The following UEVLD variants were observed in gnomAD, a reference collection of about 807,000 sequenced individuals.
UEVLD encodes the protein ubiquitin-conjugating enzyme E2 variant 3.
In UEVLD, 47 loss-of-function variants were observed where a neutral mutation model predicts 58.6. The observed-to-expected ratio is 0.80, with a 90% CI of 0.63 to 1.02. The LOEUF (loss-of-function observed/expected upper bound fraction) is 1.02, where lower values mean the gene tolerates loss of function less well. Ranked by LOEUF, UEVLD falls within the 50% of genes least tolerant of loss-of-function variation. The pLI is 0.00. For missense variants in UEVLD, 510 were observed against 550.6 expected (o/e 0.93, Z 0.74); for synonymous variants, 197 against 195.3 (o/e 1.01, Z -0.07).
At chr11:18,546,485 T>G (rs10741745) in intron 8 of UEVLD, among the ~76,000 whole-genome samples, 3 of 148,636 alleles carry the variant, frequency 2.0e-5, no homozygotes, top group Non-Finnish European at 3.0e-5. Context: ...TTTTTTTGTT[T>G]TGTTTTTTAT....
intron 10 of UEVLD, among the ~76,000 whole-genome samples, chr11:18,535,032 G>A (rs1470373547): frequency 6.6e-6 from 1 of 152,168 alleles, no homozygotes; most frequent in Non-Finnish European, 1.5e-5. Context: ...GAATAAGGTA[G>A]ATTTACATGT....
chr11:18,541,355 T>C (rs1021418368), intron 9 of UEVLD, among the ~76,000 whole-genome samples: 1 of 152,222 alleles, frequency 6.6e-6, no homozygotes, highest in African/African-American at 2.4e-5. Flanking sequence ...TGATGTATGA[T>C]GTCTATTTCA....
Position 18,544,767 on chromosome 11 carries a change from G to C in UEVLD, c.916C>G (p.Leu306Val). The change falls in exon 9 of 12, where the codon CTG becomes GTG. Residue 306 changes from leucine (L) to valine (V), a missense_variant. Transcript: ENST00000396197. ...ACTCGATTTGCAGGAAATGTACTCA[G>C]TTTCCATGTTACATAGGTCATGATT... Reference protein sequence around the residue: ...VEIMTYVTWKLSTFPANRVIG... With the variant: ...VEIMTYVTWKVSTFPANRVIG... 6.4e-7 allele frequency: 1 copy of C among 1,561,102 alleles called. No homozygotes were observed. Among genetic ancestry groups the C allele is most frequent in the Non-Finnish European group, 8.6e-7 (1 of 1,161,774 alleles).
chr11:18,557,090 C>CA (rs550382014), intron 7 of UEVLD, among the ~76,000 whole-genome samples: 3,428 of 83,238 alleles, frequency 0.041, 131 homozygotes, highest in African/African-American at 0.12. Flanking sequence ...AACCCCGACT[C>CA]AAAAAAAAAA....
At chr11:18,568,388 G>C (rs555731287) in intron 4 of UEVLD, among the ~76,000 whole-genome samples, 1 of 152,168 alleles carries the variant, frequency 6.6e-6, no homozygotes, top group Admixed American at 6.5e-5. Flanking sequence ...GTTTTGTTTT[G>C]TTTTGTTTAA....
chr11:18,544,342 C>T (rs1851193504), intron 9 of UEVLD, among the ~76,000 whole-genome samples: 1 of 152,016 alleles, frequency 6.6e-6, no homozygotes, highest in African/African-American at 2.4e-5. Context: ...GGGGTTTCAC[C>T]CTGTCACCCA....
At chr11:18,551,279 C>T (rs1426979387) in intron 7 of UEVLD, among the ~76,000 whole-genome samples, 3 of 151,960 alleles carry the variant, frequency 2.0e-5, no homozygotes, top group South Asian at 4.2e-4. Flanking sequence ...AGAAATTAGC[C>T]GGGCGTGGTG....
chr11:18,560,647 T>C (rs1801012321), intron 6 of UEVLD, among the ~76,000 whole-genome samples: 1 of 152,126 alleles, frequency 6.6e-6, no homozygotes, highest in South Asian at 2.1e-4. Context: ...TAGCAGAGAT[T>C]GAAAAAGTTT....
At chr11:18,539,471 A>G (rs1175360817) in intron 9 of UEVLD, among the ~76,000 whole-genome samples, 1 of 152,224 alleles carries the variant, frequency 6.6e-6, no homozygotes, top group African/African-American at 2.4e-5. Context: ...TTACTTAGAT[A>G]GAAGGGTGAT....
At chr11:18,580,388 T>C (rs1236091464) in intron 1 of UEVLD, among the ~76,000 whole-genome samples, 3 of 151,932 alleles carry the variant, frequency 2.0e-5, no homozygotes, top group Admixed American at 6.6e-5. Flanking sequence ...TGAAAACGGG[T>C]ACCTACACAA....
intron 2 of UEVLD, among the ~76,000 whole-genome samples, 192 bp downstream of exon 2, chr11:18,578,532 C>T (rs1007633094): frequency 4.6e-5 from 7 of 152,168 alleles, no homozygotes; most frequent in East Asian, 1.9e-4. Context: ...TAGTTTGTTA[C>T]AGCAGCAATA....
intron 3 of UEVLD, among the ~76,000 whole-genome samples, chr11:18,574,114 T>C (rs564836264): frequency 2.0e-5 from 3 of 152,192 alleles, no homozygotes; most frequent in Non-Finnish European, 4.4e-5. Flanking sequence ...TGGATGTTAT[T>C]TGTCCTGGGA....
At chr11:18,568,098 T>C (rs528426204) in intron 4 of UEVLD, among the ~76,000 whole-genome samples, 3 of 152,336 alleles carry the variant, frequency 2.0e-5, no homozygotes, top group East Asian at 1.9e-4. Flanking sequence ...TGAGCTATGA[T>C]TGTGCTACTG....
chr11:18,539,709 C>A (rs937703147), intron 9 of UEVLD, among the ~76,000 whole-genome samples: 1 of 152,108 alleles, frequency 6.6e-6, no homozygotes, highest in Non-Finnish European at 1.5e-5. Context: ...GCCAAGTGAA[C>A]GAGTTCAGGG....
Position 18,531,886 on chromosome 11 carries a change from C to G in UEVLD, c.*434G>C, listed in dbSNP as rs1850574359. The G allele has an allele frequency of 6.6e-6, 1 of 152,404 alleles. No individual in the cohort carries two copies. The highest frequency in any genetic ancestry group is 1.9e-4 in the East Asian group (1 of 5,188). The allele number at this position is 152,404 out of a possible 1,614,324, so 9.4% of individuals were successfully genotyped here. A position where few individuals can be genotyped will look rare whatever the true frequency, so the allele number is the denominator to read the frequency against. ...AACATTAGTAACTTAAGCTGTGGAT[C>G]CTGTGAATGTACAACTGACACAGAT... On this transcript the variant is annotated 3_prime_UTR_variant, in exon 12 of 12. Transcript: ENST00000396197.
At chr11:18,540,335 A>AAAAATAATTATAATTGC (rs1851001425) in intron 9 of UEVLD, among the ~76,000 whole-genome samples, 1 of 152,230 alleles carries the variant, frequency 6.6e-6, no homozygotes, top group Non-Finnish European at 1.5e-5. Context: ...AGGTACAATA[A>AAAAATAATTATAATTGC]AAAATAATTA....
chr11:18,558,983 T>G (rs1004061675), intron 6 of UEVLD, among the ~76,000 whole-genome samples: 5 of 151,038 alleles, frequency 3.3e-5, no homozygotes, highest in African/African-American at 1.2e-4. Flanking sequence ...CAAGTGATTT[T>G]CCTGCCTCAG....
chr11:18,557,392 TC>T (rs1436924363), intron 7 of UEVLD, among the ~76,000 whole-genome samples: 1 of 152,084 alleles, frequency 6.6e-6, no homozygotes, highest in Non-Finnish European at 1.5e-5. Flanking sequence ...GACCTCGTGA[TC>T]TGCCTGCGTC....
chr11:18,538,887 C>T (rs558597400), intron 9 of UEVLD: 1 of 150,498 alleles, frequency 6.6e-6, no homozygotes, highest in African/African-American at 2.4e-5. Flanking sequence ...AAAAATTAGC[C>T]AGGCGTGGTG....
Sources: gnomAD v4.1 joint callset for allele counts (sites outside exome capture counted in the v4.1 genomes callset) on GRCh38, gnomAD v4.1.1 for gene constraint, MANE v1.5 for transcripts, NCBI Gene and HGNC (gene_info 2026-07-23, HGNC 2026-07-21) for gene names.